The following PPP6R1 variants were observed in gnomAD, a reference collection of about 807,000 sequenced individuals.
PPP6R1 encodes serine/threonine-protein phosphatase 6 regulatory subunit 1.
A neutral mutation model predicts 104.6 loss-of-function variants in PPP6R1; 39 were observed. The observed-to-expected ratio is 0.37, with a 90% CI of 0.29 to 0.49. PPP6R1 has a LOEUF of 0.49. Among genes scored for constraint, PPP6R1 ranks in the 20% least tolerant of loss-of-function variants. The pLI is 0.98. For missense variants in PPP6R1, 1,181 were observed against 1,155.8 expected (o/e 1.02, Z -0.32); for synonymous variants, 549 against 479.0 (o/e 1.15, Z -1.91).
chr19:55,239,944 A>G, intron 12 of PPP6R1, 33 bp from the exon 13 acceptor site: 2 of 1,612,914 alleles, frequency 1.2e-6, no homozygotes, highest in Middle Eastern at 3.3e-4. Context: ...GACGTGAGGC[A>G]TCTCGGGGCT....
chr19:55,236,573 G>A, intron 17 of PPP6R1, 70 bp downstream of exon 17: 4 of 1,427,974 alleles, frequency 2.8e-6, no homozygotes, highest in Non-Finnish European at 3.7e-6. Context: ...CAGTCCAAAT[G>A]TGTTGGGGGG....
intron 5 of PPP6R1, among the ~76,000 whole-genome samples, chr19:55,243,473 C>T (rs979642610): frequency 2.6e-5 from 4 of 151,212 alleles, no homozygotes; most frequent in African/African-American, 7.3e-5. Flanking sequence ...TGAGACCAGT[C>T]GGGGCAACAT....
intron 10 of PPP6R1, 148 bp from the exon 11 acceptor site, chr19:55,240,448 T>TGG: frequency 1.3e-6 from 1 of 788,278 alleles, no homozygotes; most frequent in East Asian, 2.7e-5. Context: ...GGATGCAAGC[T>TGG]GGGGCTTGGG....
intron 1 of PPP6R1, among the ~76,000 whole-genome samples, chr19:55,254,617 G>A (rs1338929825): frequency 6.6e-6 from 1 of 152,204 alleles, no homozygotes; most frequent in East Asian, 1.9e-4. Context: ...CAGAAATGGA[G>A]GTCATGGGCA....
chr19:55,247,119 T>A lies in PPP6R1; in HGVS notation c.-6-10A>T. 1 of 1,610,406 alleles carries A rather than the reference T, an allele frequency of 6.2e-7. No homozygotes were observed. Among genetic ancestry groups the A allele is most frequent in the Non-Finnish European group, 8.5e-7 (1 of 1,178,730 alleles). ...TCCAAAACATGGCGCCCTGCAGGCATAGACACAACCAGCGCCGCGTCAGAC... is the reference window on the plus strand; with the variant it reads ...TCCAAAACATGGCGCCCTGCAGGCAAAGACACAACCAGCGCCGCGTCAGAC... On this transcript the variant is annotated splice_polypyrimidine_tract_variant and intron_variant, in intron 1 of 23. Coordinates refer to ENST00000412770, the MANE Select transcript of PPP6R1 (RefSeq NM_014931.4).
Position 55,230,830 on chromosome 19 carries a change from G to C in PPP6R1, c.2514C>G (p.Pro838=), listed in dbSNP as rs201961744. The C allele has an allele frequency of 9.3e-6, 15 of 1,606,502 alleles. No homozygotes were observed. The highest frequency in any genetic ancestry group is 8.9e-5 in the East Asian group (4 of 44,848). ...SVPASGAHQP[P]QTTEGEKSPE... is the part of the protein sequence containing the mutation. ...GGCTCTTCTCCCCTTCTGTGGTCTGGGGGGGCTGGTGGGCCCCGGAGGCTG... is the reference window on the plus strand; with the variant it reads ...GGCTCTTCTCCCCTTCTGTGGTCTGCGGGGGCTGGTGGGCCCCGGAGGCTG... Residue 838 remains proline, a synonymous_variant, in exon 22 of 24, where the codon CCC becomes CCG. Transcript: ENST00000412770.
At chr19:55,234,557 GAAGAA>G (rs750435414) in intron 17 of PPP6R1, among the ~76,000 whole-genome samples, 29 of 152,274 alleles carry the variant, frequency 1.9e-4, no homozygotes, top group Middle Eastern at 3.4e-3. Flanking sequence ...AAAACTCTTA[GAAGAA>G]AAGAGAGGGC....
intron 10 of PPP6R1, among the ~76,000 whole-genome samples, chr19:55,240,615 ACT>A (rs1390950400): frequency 1.4e-5 from 2 of 147,848 alleles, no homozygotes; most frequent in African/African-American, 2.5e-5. Flanking sequence ...ACTCGTGTGC[ACT>A]CACACACATA....
At chr19:55,251,816 T>G (rs982613088) in intron 1 of PPP6R1, among the ~76,000 whole-genome samples, 5 of 152,064 alleles carry the variant, frequency 3.3e-5, no homozygotes, top group African/African-American at 1.2e-4. Context: ...GGGAATGGAT[T>G]TCCTGATCTG....
At position 55,246,914 on chromosome 19, in the gene PPP6R1, C is replaced by G. The variant is rs1165128932; in HGVS notation, c.190G>C (p.Glu64Gln). 6.2e-7 allele frequency: 1 copy of G among 1,612,858 alleles called. No homozygotes were observed. Among genetic ancestry groups the G allele is most frequent in the African/African-American group, 1.3e-5 (1 of 74,916 alleles). The change falls in exon 2 of 24, where the codon GAG becomes CAG. Residue 64 changes from glutamate (E) to glutamine (Q), a missense_variant. Transcript: ENST00000412770. ...CGCTCCTCACCGCTATCTGGCGGCT[C>G]CTGGGTGACCCAGGCCACCATTGCT... Reference protein sequence around the residue: ...LQAMVAWVTQEPPDSGEERLR... With the variant: ...LQAMVAWVTQQPPDSGEERLR...
In PPP6R1 at chr19:55,241,583, A is replaced by G; in HGVS notation, c.902T>C (p.Leu301Pro). The G allele has an allele frequency of 6.3e-7, 1 of 1,585,608 alleles. No individual in the cohort carries two copies. The highest frequency in any genetic ancestry group is 2.3e-5 in the East Asian group (1 of 42,986). Reference protein sequence around the residue: ...FFSSVDGQLELLAQGALESTV... With the variant: ...FFSSVDGQLEPLAQGALESTV... The stretch of plus-strand genomic sequence containing the variant: ...GCTTTCCAGGGCCCCCTGGGCCAGG[A>G]GCTCCAGCTGCCCATCCACACTGCT... Residue 301 changes from leucine (L) to proline (P), a missense_variant, in exon 8 of 24, where the codon CTC becomes CCC. Coordinates refer to ENST00000412770, the MANE Select transcript of PPP6R1 (RefSeq NM_014931.4). The surrounding 1 kb of genome is among the most constrained non-coding windows in gnomAD (Gnocchi z 5.4).
In PPP6R1 at chr19:55,241,164, C is replaced by A. The variant is rs955291604; in HGVS notation, c.1161+75G>T. 107 of 1,494,568 alleles carry A rather than the reference C, an allele frequency of 7.2e-5. No individual in the cohort carries two copies. The highest frequency in any genetic ancestry group is 9.4e-5 in the Non-Finnish European group (105 of 1,121,780). The allele number at this position is 1,494,568 out of a possible 1,614,324, so 92.6% of individuals were successfully genotyped here. On this transcript the variant is annotated intron_variant, in intron 9 of 23. Coordinates refer to ENST00000412770, the MANE Select transcript of PPP6R1 (RefSeq NM_014931.4). The surrounding 1 kb of genome is among the most constrained non-coding windows in gnomAD (Gnocchi z 5.4). The stretch of plus-strand genomic sequence containing the variant: ...CTGAGCCCCCAGCCGAGCCCCCACC[C>A]CAGCCCCCGAACCCTCAGCCCAGTC...
intron 1 of PPP6R1, among the ~76,000 whole-genome samples, chr19:55,247,630 G>A (rs1022899689): frequency 6.6e-6 from 1 of 152,204 alleles, no homozygotes; most frequent in Non-Finnish European, 1.5e-5. Context: ...TCAGATGCCC[G>A]ATGACTTCCA....
intron 1 of PPP6R1, among the ~76,000 whole-genome samples, chr19:55,256,537 GTGGTGGTCCATGCC>G (rs1273365545): frequency 6.6e-6 from 1 of 152,240 alleles, no homozygotes; most frequent in East Asian, 1.9e-4. Context: ...ACGGCCAGGT[GTGGTGGTCCATGCC>G]TATAATCCCA....
chr19:55,231,202 G>A (rs926899608), intron 21 of PPP6R1, among the ~76,000 whole-genome samples: 6 of 152,078 alleles, frequency 3.9e-5, no homozygotes, highest in Non-Finnish European at 5.9e-5. Context: ...TCCCAACCCT[G>A]GGGCTCAAGG....
chr19:55,246,446 T>G (rs562147014), intron 2 of PPP6R1, among the ~76,000 whole-genome samples: 1 of 149,112 alleles, frequency 6.7e-6, no homozygotes. Flanking sequence ...CTTTTCAGCA[T>G]CGCTTGGATT....
intron 1 of PPP6R1, among the ~76,000 whole-genome samples, chr19:55,252,571 T>C (rs2087562206): frequency 6.6e-6 from 1 of 152,110 alleles, no homozygotes; most frequent in Non-Finnish European, 1.5e-5. Flanking sequence ...AATTTTTGTG[T>C]GTGTTTTTTT....
At chr19:55,240,514 T>C (rs908633468) in intron 10 of PPP6R1, among the ~76,000 whole-genome samples, 16 of 136,004 alleles carry the variant, frequency 1.2e-4, no homozygotes, top group Admixed American at 2.9e-4. Flanking sequence ...ATGTGGTGCA[T>C]ACACACACAC....
intron 10 of PPP6R1, among the ~76,000 whole-genome samples, chr19:55,240,661 TCACA>T (rs200994293): frequency 1.3e-5 from 2 of 151,474 alleles, no homozygotes; most frequent in Non-Finnish European, 1.5e-5. Flanking sequence ...TGACACATGC[TCACA>T]CACGCACGTG....
Sources: allele counts gnomAD v4.1 joint callset (sites outside exome capture counted in the v4.1 genomes callset), GRCh38; gene constraint gnomAD v4.1.1; non-coding constraint Gnocchi (gnomAD v3.1); transcripts MANE v1.5; gene names NCBI Gene and HGNC (gene_info 2026-07-23, HGNC 2026-07-21).